The following UBE2L3 variants were observed in gnomAD, a reference collection of about 807,000 sequenced individuals.
UBE2L3 encodes ubiquitin conjugating enzyme E2 L3.
UBE2L3 carries 1 observed loss-of-function variant against 17.8 expected under a neutral mutation model. The ratio of observed to expected loss-of-function variants is 0.06; its 90% CI spans 0.02 to 0.27. The LOEUF is 0.27. Ranked by LOEUF, UBE2L3 falls within the 10% of genes least tolerant of loss-of-function variation. The pLI is 1.00. For synonymous variants in UBE2L3, 44 were observed against 68.5 expected (o/e 0.64, Z 1.76); for missense variants, 40 against 192.6 (o/e 0.21, Z 4.69).
upstream of UBE2L3, among the ~76,000 whole-genome samples, chr22:21,563,968 A>G (rs748504711): frequency 6.6e-5 from 10 of 151,682 alleles, no homozygotes; most frequent in Non-Finnish European, 1.2e-4. Context: ...AGCCTCCTAA[A>G]GTGCTGGGAT....
chr22:21,588,916 C>A (rs140053481), intron 1 of UBE2L3, among the ~76,000 whole-genome samples: 19 of 152,086 alleles, frequency 1.2e-4, no homozygotes, highest in African/African-American at 4.1e-4. Context: ...CCTGCCTTGG[C>A]CTCTTAAAGT....
chr22:21,615,399 A>C (rs1041067085), intron 3 of UBE2L3, among the ~76,000 whole-genome samples: 5 of 150,454 alleles, frequency 3.3e-5, no homozygotes, highest in South Asian at 2.1e-4. Flanking sequence ...ACTAAAAATA[A>C]AAAAAATTAG....
intron 1 of UBE2L3, among the ~76,000 whole-genome samples, chr22:21,552,037 ACACT>A (rs1926088096): frequency 1.1e-5 from 1 of 87,802 alleles, no homozygotes; most frequent in East Asian, 4.1e-4. Context: ...ACACACACAC[ACACT>A]GCCTCTCTGA....
At chr22:21,584,178 A>ATT (rs374588807) in intron 1 of UBE2L3, among the ~76,000 whole-genome samples, 18 of 132,788 alleles carry the variant, frequency 1.4e-4, no homozygotes, top group East Asian at 4.5e-4. Flanking sequence ...TCTGGCCTAA[A>ATT]TTTTTTTTTT....
At chr22:21,574,474 G>A (rs1927154143) in intron 1 of UBE2L3, among the ~76,000 whole-genome samples, 1 of 152,190 alleles carries the variant, frequency 6.6e-6, no homozygotes, top group African/African-American at 2.4e-5. Flanking sequence ...GGGCAGGGAG[G>A]TGACCAGCCT....
rs545855960 is a variant in UBE2L3 at position 21,584,308 on chromosome 22, G to A, written c.28-8553G>A. Among the ~76,000 whole-genome samples, 10 of 151,508 alleles carry A rather than the reference G, an allele frequency of 6.6e-5. No homozygotes were observed. In the South Asian group the frequency reaches 1.7e-3, roughly 25 times the overall value. ...TTCTTCTGCCTTAGCCTCCCGAGTA[G>A]CTGGGACTACAGGTGTCACCACCAC... is the stretch of plus-strand genomic sequence containing the variant. On this transcript the variant is annotated intron_variant, in intron 1 of 3. Transcript: ENST00000342192.
chr22:21,585,355 C>T (rs979486940), intron 1 of UBE2L3, among the ~76,000 whole-genome samples: 1 of 152,190 alleles, frequency 6.6e-6, no homozygotes. Context: ...TACTGGATCT[C>T]TAAAATATTT....
chr22:21,558,158 T>C (rs1274461869), intron 1 of UBE2L3, among the ~76,000 whole-genome samples: 8 of 150,784 alleles, frequency 5.3e-5, no homozygotes, highest in Non-Finnish European at 1.0e-4. Flanking sequence ...CCTGCCGGCA[T>C]GGCCTGGCTC....
intron 2 of UBE2L3, among the ~76,000 whole-genome samples, chr22:21,600,944 T>C (rs73400438): frequency 0.08 from 12,145 of 151,722 alleles, 1,683 homozygotes; most frequent in African/African-American, 0.28. Context: ...CTGAGGAGGG[T>C]GGATCACCTG....
intron 1 of UBE2L3, among the ~76,000 whole-genome samples, chr22:21,581,671 G>A (rs1213196035): frequency 3.3e-5 from 5 of 151,498 alleles, no homozygotes; most frequent in Admixed American, 2.0e-4. Flanking sequence ...GCATGGTGGC[G>A]GGCGCCTGTA....
At chr22:21,578,165 G>T (rs1382185285) in intron 1 of UBE2L3, among the ~76,000 whole-genome samples, 1 of 151,984 alleles carries the variant, frequency 6.6e-6, no homozygotes, top group African/African-American at 2.4e-5. Flanking sequence ...AGACCATCCT[G>T]GCTAACACAG....
chr22:21,594,107 G>T (rs1036138138), intron 2 of UBE2L3, among the ~76,000 whole-genome samples: 2 of 152,150 alleles, frequency 1.3e-5, no homozygotes, highest in African/African-American at 4.8e-5. Flanking sequence ...CTCCTTTCCT[G>T]TTCTTCCTCA....
At position 21,582,138 on chromosome 22, in the gene UBE2L3, AC is replaced by A. The variant is rs1198283403; in HGVS notation, c.28-10722del. On this transcript the variant is annotated intron_variant, in intron 1 of 3. Coordinates refer to ENST00000342192, the MANE Select transcript of UBE2L3 (RefSeq NM_003347.4). The stretch of plus-strand genomic sequence containing the variant: ...TCATCTCAAAAAAAAAAACAAAAAA[AC>A]AAACAAAAAAAAAAACAGTTCAGAA... Among the ~76,000 whole-genome samples the A allele has an allele frequency of 6.7e-5, 10 of 150,032 alleles. 1 individual carries two copies. The South Asian group carries it at 1.3e-3, about 19-fold the overall frequency.
At chr22:21,596,704 C>G (rs1160845492) in intron 2 of UBE2L3, among the ~76,000 whole-genome samples, 1 of 152,106 alleles carries the variant, frequency 6.6e-6, no homozygotes, top group Non-Finnish European at 1.5e-5. Context: ...TCAGGCTGGT[C>G]TCGAACTCCC....
intron 1 of UBE2L3, among the ~76,000 whole-genome samples, chr22:21,588,610 G>T (rs778593038): frequency 2.0e-5 from 3 of 151,250 alleles, no homozygotes; most frequent in Non-Finnish European, 4.4e-5. Context: ...CTCCCAAGTA[G>T]CTGGGACCAC....
At chr22:21,567,799 G>A in intron 1 of UBE2L3, 28 bp downstream of exon 1, 1 of 1,570,434 alleles carries the variant, frequency 6.4e-7, no homozygotes, top group South Asian at 1.2e-5. Context: ...GCAGCGGCCG[G>A]GCGTGGGGCG....
At position 21,610,845 on chromosome 22, in the gene UBE2L3, C is replaced by G. The variant is rs757804051; in HGVS notation, c.124-12C>G. ...CCATGGTGTGTTCATTTTGATCTCTCTTTCCTTCCAGGACAACCCTCCATA... is the reference window on the plus strand; with the variant it reads ...CCATGGTGTGTTCATTTTGATCTCTGTTTCCTTCCAGGACAACCCTCCATA... On this transcript the variant is annotated splice_polypyrimidine_tract_variant and intron_variant, in intron 2 of 3. Transcript: ENST00000342192. The G allele has an allele frequency of 2.7e-5, 43 of 1,592,714 alleles. No individual in the cohort carries two copies. Among genetic ancestry groups the G allele is most frequent in the African/African-American group, 4.1e-5 (3 of 73,798 alleles).
At chr22:21,614,838 G>A (rs1412609619) in intron 3 of UBE2L3, among the ~76,000 whole-genome samples, 3 of 152,174 alleles carry the variant, frequency 2.0e-5, no homozygotes, top group African/African-American at 7.2e-5. Context: ...GAGCCCAAAT[G>A]TCCATCAATT....
chr22:21,558,197 GC>G (rs1926305793), intron 1 of UBE2L3, among the ~76,000 whole-genome samples: 2 of 151,456 alleles, frequency 1.3e-5, no homozygotes, highest in African/African-American at 2.4e-5. Context: ...AAAGCCCCAA[GC>G]TTTGTGGAGC....
Sources: allele counts gnomAD v4.1 joint callset (sites outside exome capture counted in the v4.1 genomes callset), GRCh38; gene constraint gnomAD v4.1.1; transcripts MANE v1.5; gene names NCBI Gene and HGNC (gene_info 2026-07-23, HGNC 2026-07-21).